The following ALDH8A1 variants were observed in gnomAD, a reference collection of about 807,000 sequenced individuals.
The protein encoded by ALDH8A1 is aldehyde dehydrogenase 8 family member A1.
A neutral mutation model predicts 43.3 loss-of-function variants in ALDH8A1; 39 were observed. The ratio of observed to expected loss-of-function variants is 0.90; its 90% CI spans 0.70 to 1.18. The LOEUF is 1.18. Among genes scored for constraint, ALDH8A1 ranks in the 50% most tolerant of loss-of-function variants. ALDH8A1 has a pLI of 0.00. For synonymous variants in ALDH8A1, 233 were observed against 243.5 expected, an observed-to-expected ratio of 0.96 and a Z score of 0.40; for missense variants, 605 against 622.6, an observed-to-expected ratio of 0.97 and a Z score of 0.30.
intron 6 of ALDH8A1, among the ~76,000 whole-genome samples, chr6:134,921,907 A>G (rs955162673): frequency 1.3e-5 from 2 of 152,240 alleles, no homozygotes; most frequent in Non-Finnish European, 2.9e-5. Flanking sequence ...AAGAGGCCAT[A>G]CTTAACATTT....
intron 6 of ALDH8A1, 134 bp downstream of exon 6, chr6:134,928,920 T>C: frequency 1.1e-6 from 1 of 893,020 alleles, no homozygotes; most frequent in East Asian, 2.6e-5. Context: ...GTCCACAATT[T>C]CTCCCAGGTT....
In ALDH8A1 at chr6:134,929,090, G is replaced by A. The variant is rs746847645; in HGVS notation, c.975C>T (p.Ser325=). ...GTGCTTTACTTATCAGAGCACCTAT[G>A]CTCACCAGTGGATCAGAGGGAATGC... ...KVGIPSDPLV[S]IGALISKAHL... Residue 325 remains serine (S), a synonymous_variant, in exon 6 of 7, where the codon AGC becomes AGT. Transcript: ENST00000265605. 1.9e-6 allele frequency: 3 copies of A among 1,614,060 alleles called. No homozygotes were observed. Among genetic ancestry groups the A allele is most frequent in the South Asian group, 2.2e-5 (2 of 91,080 alleles).
chr6:134,921,892 A>G (rs1250272651), intron 6 of ALDH8A1, among the ~76,000 whole-genome samples: 1 of 152,210 alleles, frequency 6.6e-6, no homozygotes, highest in Non-Finnish European at 1.5e-5. Flanking sequence ...AAGAGTCACA[A>G]TCTGAAGAGG....
chr6:134,934,663 T>C (rs977521449), intron 4 of ALDH8A1, among the ~76,000 whole-genome samples: 6 of 152,000 alleles, frequency 3.9e-5, no homozygotes, highest in Non-Finnish European at 1.5e-5. Context: ...AACACTGTTA[T>C]ATAACACTAC....
intron 4 of ALDH8A1, among the ~76,000 whole-genome samples, chr6:134,933,396 G>T (rs1773662946): frequency 1.3e-5 from 2 of 152,158 alleles, no homozygotes; most frequent in Non-Finnish European, 2.9e-5. Flanking sequence ...GCAGCACCCT[G>T]CTCCATCTTG....
chr6:134,940,884 G>A (rs1261684607), intron 3 of ALDH8A1, among the ~76,000 whole-genome samples: 1 of 152,220 alleles, frequency 6.6e-6, no homozygotes, highest in Admixed American at 6.5e-5. Flanking sequence ...GGAGGAGGTA[G>A]AGCTTTCCAC....
In ALDH8A1 at chr6:134,939,205, T is replaced by A. The variant is rs903589914; in HGVS notation, c.592+61A>T. 10 of 1,587,088 alleles carry A rather than the reference T, an allele frequency of 6.3e-6. No individual in the cohort carries two copies. In the Admixed American group the frequency reaches 6.8e-5, roughly 11 times the overall value. ...CGATTGTGCTGCTGAGTGGAAGATT[T>A]CTATAAACTATAGGTTTGCTCCAAC... On this transcript the variant is annotated intron_variant, in intron 4 of 6. Coordinates refer to ENST00000265605, the MANE Select transcript of ALDH8A1 (RefSeq NM_022568.4).
At chr6:134,944,677 A>G (rs1773921311) in intron 1 of ALDH8A1, among the ~76,000 whole-genome samples, 1 of 151,988 alleles carries the variant, frequency 6.6e-6, no homozygotes. Context: ...TGAGCCCAGG[A>G]GTTTGAGACC....
At chr6:134,941,267 C>T (rs1438635535) in intron 3 of ALDH8A1, 1 of 152,238 alleles carries the variant, frequency 6.6e-6, no homozygotes, top group African/African-American at 2.4e-5. Flanking sequence ...AGTGCAGTGG[C>T]ACCATCTCAG....
chr6:134,925,131 G>T (rs1476003985), intron 6 of ALDH8A1, among the ~76,000 whole-genome samples: 1 of 152,080 alleles, frequency 6.6e-6, no homozygotes, highest in South Asian at 2.1e-4. Flanking sequence ...TAAAAAGTTA[G>T]ATTTGTATAC....
rs894506176 is a variant in ALDH8A1 at position 134,918,300 on chromosome 6, C to T, written c.*115G>A. 2.0e-6 allele frequency: 2 copies of T among 978,864 alleles called. No individual in the cohort carries two copies. The highest frequency in any genetic ancestry group is 2.6e-5 in the East Asian group (1 of 38,864). The allele number at this position is 978,864 out of a possible 1,614,324, so 60.6% of individuals were successfully genotyped here. A position where few individuals can be genotyped will look rare whatever the true frequency, so the allele number is the denominator to read the frequency against. On this transcript the variant is annotated 3_prime_UTR_variant, in exon 7 of 7. Coordinates refer to ENST00000265605, the MANE Select transcript of ALDH8A1 (RefSeq NM_022568.4). ...AGAACTGAGGATAAGCTAGAGATAA[C>T]CTTCTGCCAAGTCAAGGCATAGCTG... is the stretch of plus-strand genomic sequence containing the variant.
At chr6:134,944,509 G>A (rs528756704) in intron 1 of ALDH8A1, among the ~76,000 whole-genome samples, 3 of 152,296 alleles carry the variant, frequency 2.0e-5, no homozygotes, top group African/African-American at 7.2e-5. Flanking sequence ...CATCCTGAAT[G>A]TAGTAATCAG....
chr6:134,933,987 G>T (rs1293593616), intron 4 of ALDH8A1, among the ~76,000 whole-genome samples: 1 of 152,146 alleles, frequency 6.6e-6, no homozygotes, highest in African/African-American at 2.4e-5. Context: ...AGGATTACAG[G>T]CATGAGCCAC....
intron 6 of ALDH8A1, among the ~76,000 whole-genome samples, chr6:134,928,692 C>A (rs1220994740): frequency 2.0e-5 from 3 of 152,208 alleles, no homozygotes; most frequent in Non-Finnish European, 4.4e-5. Flanking sequence ...TGGCTATAAA[C>A]CAGAGGCAGG....
In ALDH8A1 at chr6:134,939,357, T is replaced by C; in HGVS notation, c.501A>G (p.Pro167=). ...TCACAGTGTTCCCTGCAGCCATCGCTGGAGCTATCTTCCAGGTCAGCAAGT... is the reference window on the plus strand; with the variant it reads ...TCACAGTGTTCCCTGCAGCCATCGCCGGAGCTATCTTCCAGGTCAGCAAGT... ...PLYLLTWKIA[P]AMAAGNTVIA... Residue 167 remains proline (P), a synonymous_variant, in exon 4 of 7, where the codon CCA becomes CCG. Transcript: ENST00000265605. 6.2e-7 allele frequency: 1 copy of C among 1,614,246 alleles called. No individual in the cohort carries two copies. The highest frequency in any genetic ancestry group is 1.1e-5 in the South Asian group (1 of 91,090).
chr6:134,920,346 C>A (rs1776778988), intron 6 of ALDH8A1, among the ~76,000 whole-genome samples: 1 of 152,246 alleles, frequency 6.6e-6, no homozygotes, highest in African/African-American at 2.4e-5. Flanking sequence ...TAAGTTTGTA[C>A]CTCTCTTGAT....
intron 4 of ALDH8A1, among the ~76,000 whole-genome samples, chr6:134,936,740 G>A (rs1773749541): frequency 6.6e-6 from 1 of 152,184 alleles, no homozygotes; most frequent in Non-Finnish European, 1.5e-5. Context: ...CTTGGGCTTG[G>A]ATGCTAATGT....
intron 4 of ALDH8A1, among the ~76,000 whole-genome samples, chr6:134,937,743 C>T (rs564239482): frequency 2.0e-5 from 3 of 152,328 alleles, no homozygotes; most frequent in East Asian, 1.9e-4. Context: ...AGAAGTATGT[C>T]GCGCCTTTGC....
rs376554109 is a variant in ALDH8A1 at position 134,942,358 on chromosome 6, G to C, written c.442+51C>G. ...TGAGGACAATGCCATAGAATGTTGT[G>C]AGCATCTGCAAGCATAACCGGGAGG... is the stretch of plus-strand genomic sequence containing the variant. On this transcript the variant is annotated intron_variant, in intron 3 of 6. Coordinates refer to ENST00000265605, the MANE Select transcript of ALDH8A1 (RefSeq NM_022568.4). The C allele has an allele frequency of 2.4e-4, 357 of 1,495,068 alleles. 1 individual carries two copies. The African/African-American group carries it at 3.6e-3, about 15-fold the overall frequency. 92.6% of individuals were successfully genotyped at this position (1,495,068 alleles called of 1,614,324 possible).
Sources: allele counts gnomAD v4.1 joint callset (sites outside exome capture counted in the v4.1 genomes callset), GRCh38; gene constraint gnomAD v4.1.1; transcripts MANE v1.5; gene names NCBI Gene and HGNC (gene_info 2026-07-23, HGNC 2026-07-21).